Variants in HPSE2 observed in about 807,000 individuals in gnomAD.
HPSE2 encodes inactive heparanase-2.
A neutral mutation model predicts 60.5 loss-of-function variants in HPSE2; 38 were observed. The observed-to-expected ratio is 0.63, with a 90% CI of 0.48 to 0.82. HPSE2 has a LOEUF of 0.82. Among genes scored for constraint, HPSE2 ranks in the 40% least tolerant of loss-of-function variants. The pLI is 0.00. For synonymous variants in HPSE2, 295 were observed against 293.2 expected, an observed-to-expected ratio of 1.01 and a Z score of -0.06; for missense variants, 713 against 740.4, an observed-to-expected ratio of 0.96 and a Z score of 0.43.
At chr10:98,639,633 C>A (rs1292896137) in intron 7 of HPSE2, among the ~76,000 whole-genome samples, 4 of 152,112 alleles carry the variant, frequency 2.6e-5, no homozygotes, top group Non-Finnish European at 2.9e-5. Context: ...TTTCTTGGGC[C>A]CTGGATAAAT....
At chr10:98,757,926 C>A (rs1295623295) in intron 3 of HPSE2, among the ~76,000 whole-genome samples, 3 of 152,082 alleles carry the variant, frequency 2.0e-5, no homozygotes, top group Non-Finnish European at 4.4e-5. Context: ...ATCACATTAC[C>A]TGACTTTGAA....
At chr10:98,521,733 C>T (rs1942799659) in intron 9 of HPSE2, among the ~76,000 whole-genome samples, 5 of 152,162 alleles carry the variant, frequency 3.3e-5, no homozygotes, top group Admixed American at 3.3e-4. Flanking sequence ...TGGAACCAAC[C>T]CAAATGTCCA....
At chr10:98,978,603 T>A (rs1359513392) in intron 3 of HPSE2, among the ~76,000 whole-genome samples, 1 of 152,192 alleles carries the variant, frequency 6.6e-6, no homozygotes, top group Non-Finnish European at 1.5e-5. Flanking sequence ...AATAGTAACC[T>A]GATAATAAAT....
At chr10:98,861,921 G>C (rs1032077831) in intron 3 of HPSE2, among the ~76,000 whole-genome samples, 3 of 152,140 alleles carry the variant, frequency 2.0e-5, no homozygotes, top group Non-Finnish European at 4.4e-5. Context: ...AAATCAGCTG[G>C]TGGGAGTGGA....
intron 3 of HPSE2, among the ~76,000 whole-genome samples, chr10:99,081,544 T>C (rs1019276505): frequency 1.3e-5 from 2 of 151,844 alleles, no homozygotes; most frequent in Non-Finnish European, 2.9e-5. Flanking sequence ...CACTAGTAGC[T>C]CAAGAAGCTA....
At chr10:98,649,046 T>C (rs577124174) in intron 6 of HPSE2, among the ~76,000 whole-genome samples, 1 of 152,202 alleles carries the variant, frequency 6.6e-6, no homozygotes, top group African/African-American at 2.4e-5. Context: ...AAATCTAAAT[T>C]GTGAGGCATT....
chr10:98,462,589 T>G (rs1940342615), intron 11 of HPSE2, among the ~76,000 whole-genome samples: 1 of 152,224 alleles, frequency 6.6e-6, no homozygotes, highest in Non-Finnish European at 1.5e-5. Context: ...CTCAAAACCC[T>G]CTCTCCCCTT....
chr10:99,020,931 T>C (rs971573439), intron 3 of HPSE2, among the ~76,000 whole-genome samples: 3 of 152,178 alleles, frequency 2.0e-5, no homozygotes, highest in African/African-American at 7.2e-5. Flanking sequence ...TGGAAAACTA[T>C]GGCAGAGGAT....
intron 3 of HPSE2, among the ~76,000 whole-genome samples, chr10:98,865,835 T>G (rs1330078839): frequency 2.6e-5 from 4 of 152,096 alleles, no homozygotes; most frequent in Non-Finnish European, 5.9e-5. Flanking sequence ...CTTGCCTCAG[T>G]TATGGAGAAT....
At chr10:98,548,306 A>G (rs954751293) in intron 9 of HPSE2, among the ~76,000 whole-genome samples, 1 of 152,272 alleles carries the variant, frequency 6.6e-6, no homozygotes, top group South Asian at 2.1e-4. Flanking sequence ...TTCCCCCTCT[A>G]TCTCCTACTT....
intron 3 of HPSE2, among the ~76,000 whole-genome samples, chr10:98,764,039 C>G (rs547181804): frequency 6.8e-4 from 103 of 152,180 alleles, no homozygotes; most frequent in South Asian, 8.3e-4. Context: ...ATACATCAAA[C>G]AACTATCCTC....
chr10:98,478,946 T>G (rs1206055140), intron 11 of HPSE2, among the ~76,000 whole-genome samples: 1 of 152,138 alleles, frequency 6.6e-6, no homozygotes, highest in East Asian at 1.9e-4. Flanking sequence ...GTTCATTCAC[T>G]GAGATGGGAA....
rs188577220 is a variant in HPSE2, at chr10:99,015,431, A to G, written c.610+128807T>C. Among the ~76,000 whole-genome samples the G allele has an allele frequency of 2.6e-5, 4 of 152,370 alleles. No individual in the cohort carries two copies. The East Asian group carries it at 7.7e-4, about 29-fold the overall frequency. Reference sequence around the variant, plus strand: ...TTGGAACGAAACCAAATGTCCAACAATGATAGACTGGATTAAGAAAATGTG... The same window carrying G: ...TTGGAACGAAACCAAATGTCCAACAGTGATAGACTGGATTAAGAAAATGTG... On this transcript the variant is annotated intron_variant, in intron 3 of 11. Coordinates refer to ENST00000370552, the MANE Select transcript of HPSE2 (RefSeq NM_021828.5).
chr10:99,084,155 A>G (rs1232715079), intron 3 of HPSE2, among the ~76,000 whole-genome samples: 2 of 151,968 alleles, frequency 1.3e-5, no homozygotes, highest in Admixed American at 1.3e-4. Flanking sequence ...AGGACCATAA[A>G]ACTCAATTCC....
At chr10:99,101,691 G>C (rs142004172) in intron 3 of HPSE2, among the ~76,000 whole-genome samples, 1,714 of 152,250 alleles carry the variant, frequency 0.011, 33 homozygotes, top group African/African-American at 0.038. Context: ...ATTCTTCTCA[G>C]CACCACATCT....
intron 3 of HPSE2, among the ~76,000 whole-genome samples, chr10:98,867,032 T>C (rs1330737675): frequency 6.6e-6 from 1 of 152,056 alleles, no homozygotes; most frequent in African/African-American, 2.4e-5. Flanking sequence ...CACAGAGAAA[T>C]GACAACCAAA....
intron 3 of HPSE2, among the ~76,000 whole-genome samples, chr10:98,907,406 C>G (rs182167217): frequency 2.0e-5 from 3 of 152,264 alleles, no homozygotes; most frequent in African/African-American, 7.2e-5. Context: ...GAGGCTGAAG[C>G]AGGAGGATTG....
chr10:98,463,467 G>T (rs10883105), intron 11 of HPSE2, among the ~76,000 whole-genome samples: 2,787 of 152,362 alleles, frequency 0.018, 77 homozygotes, highest in African/African-American at 0.063. Flanking sequence ...CAATGAAAAT[G>T]TAAGTAGATA....
intron 3 of HPSE2, among the ~76,000 whole-genome samples, chr10:98,932,196 T>G (rs1442084836): frequency 6.9e-6 from 1 of 143,964 alleles, no homozygotes; most frequent in African/African-American, 2.8e-5. Flanking sequence ...TGAATTTTAC[T>G]GAAGGCCTTT....
Sources: gnomAD v4.1 joint callset for allele counts (sites outside exome capture counted in the v4.1 genomes callset) on GRCh38, gnomAD v4.1.1 for gene constraint, MANE v1.5 for transcripts, NCBI Gene and HGNC (gene_info 2026-07-23, HGNC 2026-07-21) for gene names.